ARHGAP35: variants seen among roughly 807,000 people sequenced by gnomAD.
ARHGAP35 encodes the protein Rho GTPase activating protein 35.
A neutral mutation model predicts 111.1 loss-of-function variants in ARHGAP35; 15 were observed. That is an observed-to-expected ratio of 0.13 (90% CI 0.09 to 0.21). The LOEUF is 0.21. Among genes scored for constraint, ARHGAP35 ranks in the 10% least tolerant of loss-of-function variants. ARHGAP35 has a pLI of 1.00. For synonymous variants in ARHGAP35, 643 were observed against 710.3 expected, an observed-to-expected ratio of 0.91 and a Z score of 1.51; for missense variants, 1,262 against 1,873.0, an observed-to-expected ratio of 0.67 and a Z score of 6.02.
At chr19:46,903,549 G>A (rs1314901399) in intron 1 of ARHGAP35, among the ~76,000 whole-genome samples, 3 of 152,086 alleles carry the variant, frequency 2.0e-5, no homozygotes, top group Non-Finnish European at 4.4e-5. Flanking sequence ...CAAGAGACAT[G>A]GTATTCTGAA....
chr19:46,875,377 A>G (rs2055912895), intron 1 of ARHGAP35, among the ~76,000 whole-genome samples: 1 of 152,128 alleles, frequency 6.6e-6, no homozygotes, highest in Non-Finnish European at 1.5e-5. Flanking sequence ...CACCTAGAAC[A>G]TGACCTGACA....
intron 1 of ARHGAP35, among the ~76,000 whole-genome samples, chr19:46,898,709 G>A (rs967942168): frequency 3.3e-5 from 5 of 152,218 alleles, no homozygotes; most frequent in Admixed American, 6.5e-5. Flanking sequence ...ATGCAGAAGA[G>A]GGTTGTTATC....
chr19:46,870,343 G>A (rs1348207374), intron 1 of ARHGAP35, among the ~76,000 whole-genome samples: 2 of 151,824 alleles, frequency 1.3e-5, no homozygotes, highest in Non-Finnish European at 2.9e-5. Context: ...ACTTTGGGAG[G>A]CCGAGGCGGG....
At position 46,993,489 on chromosome 19, in the gene ARHGAP35, A is replaced by G. The variant is rs2056690308; in HGVS notation, c.4036+3814A>G. On this transcript the variant is annotated intron_variant, in intron 5 of 6. Coordinates refer to ENST00000672722, the MANE Select transcript of ARHGAP35 (RefSeq NM_004491.5). The surrounding 1 kb of genome is among the most constrained non-coding windows in gnomAD (Gnocchi z 4.6). The stretch of plus-strand genomic sequence containing the variant: ...AGGGTCTCTGCCGCCACTTTGTTTG[A>G]CCTTGGACCGGTATTCTGGCTTTGT... Among the ~76,000 whole-genome samples, 1 of 152,002 alleles carries G rather than the reference A, an allele frequency of 6.6e-6. No individual in the cohort carries two copies. The highest frequency in any genetic ancestry group is 6.6e-5 in the Admixed American group (1 of 15,258).
At position 46,945,311 on chromosome 19, in the gene ARHGAP35, T is replaced by TGCA. The variant is rs938837951; in HGVS notation, c.3826+7908_3826+7910dup. Among the ~76,000 whole-genome samples, 3 of 152,224 alleles carry TGCA rather than the reference T, an allele frequency of 2.0e-5. No individual in the cohort carries two copies. The highest frequency in any genetic ancestry group is 2.9e-5 in the Non-Finnish European group (2 of 68,040). ...AGGCAATGGAGTCACTGCTCCCTTC[T>TGCA]GCAGCAGTGTGGCTCCTAATGACAG... On this transcript the variant is annotated intron_variant, in intron 3 of 6. Transcript: ENST00000672722. The surrounding 1 kb of genome is among the most constrained non-coding windows in gnomAD (Gnocchi z 4.1).
Position 46,919,589 on chromosome 19 carries a change from A to G in ARHGAP35, c.914A>G (p.Tyr305Cys). The change falls in exon 2 of 7, where the codon TAC (tyrosine) becomes TGC (cysteine). Residue 305 changes from tyrosine to cysteine, a missense_variant. Physicochemically the swap from Tyr to Cys is radical, Grantham distance 194. Around this residue, in one of 8 missense-constraint regions of ARHGAP35, gnomAD observed 328 missense variants for 440.8 expected, o/e 0.74. Coordinates refer to ENST00000672722, the MANE Select transcript of ARHGAP35 (RefSeq NM_004491.5). This position sits in a 1 kb window ranked among gnomAD's most constrained non-coding sequence, Gnocchi z 6.2. ...CGAAAGATGCAGGCCTCTCCAGAAT[A>G]CCAGGACTATGTCTACCTGGAAGGG... ...VSRKMQASPE[Y>C]QDYVYLEGTQ... 6.2e-7 allele frequency: 1 copy of G among 1,613,948 alleles called. No homozygotes were observed. The highest frequency in any genetic ancestry group is 1.3e-5 in the African/African-American group (1 of 75,042).
At chr19:46,982,614 T>G (rs189766754) in intron 3 of ARHGAP35, among the ~76,000 whole-genome samples, 22 of 152,354 alleles carry the variant, frequency 1.4e-4, no homozygotes, top group Admixed American at 1.3e-3. Flanking sequence ...CCTGATTTTA[T>G]TGAATCATAG....
At chr19:46,896,488 C>T (rs1343798473) in intron 1 of ARHGAP35, among the ~76,000 whole-genome samples, 2 of 152,240 alleles carry the variant, frequency 1.3e-5, no homozygotes, top group African/African-American at 2.4e-5. Context: ...CATCTAGGTA[C>T]ATAAGAGACT....
At chr19:46,953,812 T>G (rs917287680) in intron 3 of ARHGAP35, among the ~76,000 whole-genome samples, 1 of 152,216 alleles carries the variant, frequency 6.6e-6, no homozygotes, top group African/African-American at 2.4e-5. Flanking sequence ...CGTCCAACCC[T>G]GTCTTTCCAA....
chr19:46,971,404 TCA>T (rs909398890), intron 3 of ARHGAP35, among the ~76,000 whole-genome samples: 4 of 150,910 alleles, frequency 2.7e-5, no homozygotes. Context: ...AGACTCCATC[TCA>T]CACACACACA....
In ARHGAP35 at chr19:46,908,383, G is replaced by A. The variant is rs1349168421; in HGVS notation, c.-188-10105G>A. Among the ~76,000 whole-genome samples, 1 of 152,154 alleles carries A rather than the reference G, an allele frequency of 6.6e-6. No individual in the cohort carries two copies. The highest frequency in any genetic ancestry group is 2.4e-5 in the African/African-American group (1 of 41,440). On this transcript the variant is annotated intron_variant, in intron 1 of 6. Coordinates refer to ENST00000672722, the MANE Select transcript of ARHGAP35 (RefSeq NM_004491.5). This position sits in a 1 kb window ranked among gnomAD's most constrained non-coding sequence, Gnocchi z 4.2. ...ACTGTGGTAATGGTAATTATGCTGT[G>A]ATACCTAGGCTTATTGGAGTGCCTC...
chr19:46,916,326 G>A (rs896286199), intron 1 of ARHGAP35, among the ~76,000 whole-genome samples: 5 of 149,062 alleles, frequency 3.4e-5, no homozygotes, highest in African/African-American at 1.3e-4. Context: ...CTTTGTTCCA[G>A]TTGGTTCTCC....
chr19:46,953,230 C>T (rs932703641), intron 3 of ARHGAP35, among the ~76,000 whole-genome samples: 4 of 151,846 alleles, frequency 2.6e-5, no homozygotes, highest in African/African-American at 9.7e-5. Context: ...ATGTAAAGAA[C>T]CTTAGTGATT....
chr19:46,987,537 G>C (rs2056657788), intron 3 of ARHGAP35, among the ~76,000 whole-genome samples: 1 of 152,156 alleles, frequency 6.6e-6, no homozygotes, highest in African/African-American at 2.4e-5. Flanking sequence ...TTAACAGCAT[G>C]ACTATTCTTA....
intron 2 of ARHGAP35, among the ~76,000 whole-genome samples, chr19:46,925,579 T>A (rs1371855008): frequency 2.0e-5 from 3 of 152,202 alleles, no homozygotes; most frequent in Non-Finnish European, 4.4e-5. Flanking sequence ...CAGACCTTAG[T>A]ACCCAGTTGA....
chr19:47,000,734 G>T lies in ARHGAP35; in HGVS notation c.*46G>T, dbSNP rs747431714. ...CAGGAGAACCGGTCCTCTCTCTGAC[G>T]GGGTGGCATTTGGCCTTGAACAAAA... On this transcript the variant is annotated 3_prime_UTR_variant, in exon 7 of 7. Coordinates refer to ENST00000672722, the MANE Select transcript of ARHGAP35 (RefSeq NM_004491.5). This position sits in a 1 kb window ranked among gnomAD's most constrained non-coding sequence, Gnocchi z 6.9. The T allele has an allele frequency of 6.5e-6, 10 of 1,526,918 alleles. No homozygotes were observed. Among genetic ancestry groups the T allele is most frequent in the Middle Eastern group, 1.7e-4 (1 of 5,804 alleles). The allele number at this position is 1,526,918 out of a possible 1,614,324, so 94.6% of individuals were successfully genotyped here.
chr19:46,971,051 G>A (rs1265658858), intron 3 of ARHGAP35, among the ~76,000 whole-genome samples: 1 of 152,164 alleles, frequency 6.6e-6, no homozygotes, highest in East Asian at 1.9e-4. Context: ...CTGTTTCCAT[G>A]TGTTAGAGTG....
At chr19:46,864,596 T>C (rs2055845650) in intron 1 of ARHGAP35, among the ~76,000 whole-genome samples, 1 of 152,246 alleles carries the variant, frequency 6.6e-6, no homozygotes, top group South Asian at 2.1e-4. Context: ...GACCATTCAC[T>C]CATCAAATAT....
At chr19:46,957,207 C>T (rs1231404335) in intron 3 of ARHGAP35, among the ~76,000 whole-genome samples, 5 of 151,832 alleles carry the variant, frequency 3.3e-5, no homozygotes, top group Non-Finnish European at 5.9e-5. Flanking sequence ...GTGATCCACC[C>T]GCCTCGGCCT....
Sources: allele counts gnomAD v4.1 joint callset (sites outside exome capture counted in the v4.1 genomes callset), GRCh38; gene constraint gnomAD v4.1.1; regional missense constraint gnomAD v4.1.1; non-coding constraint Gnocchi (gnomAD v3.1); transcripts MANE v1.5; gene names NCBI Gene and HGNC (gene_info 2026-07-23, HGNC 2026-07-21).